The following EMP2 variants were observed in gnomAD, a reference collection of about 807,000 sequenced individuals.
The protein encoded by EMP2 is epithelial membrane protein 2.
Under a neutral mutation model 13.7 loss-of-function variants are expected in EMP2, and 19 were observed. That is an observed-to-expected ratio of 1.38 (90% CI 0.97 to 2.03). The LOEUF (loss-of-function observed/expected upper bound fraction) is 2.03. EMP2 is among the 30% of genes most tolerant of loss of function. The probability of loss-of-function intolerance (pLI) is 0.00; values close to 1 mark genes in which losing one functional copy is unlikely to be tolerated. For missense variants in EMP2, 253 were observed against 220.7 expected (o/e 1.15, Z -0.93); for synonymous variants, 97 against 84.7 (o/e 1.15, Z -0.80).
intron 4 of EMP2, among the ~76,000 whole-genome samples, chr16:10,536,901 C>G (rs969127925): frequency 8.5e-5 from 13 of 152,100 alleles, no homozygotes; most frequent in Non-Finnish European, 1.5e-5. Context: ...TGCACCTGAC[C>G]GGGACTTTCA....
rs372302585 is a variant in EMP2, at chr16:10,567,920, C to T, written c.-61+12629G>A. Among the ~76,000 whole-genome samples the T allele has an allele frequency of 7.2e-5, 11 of 152,278 alleles. No individual in the cohort carries two copies. The East Asian group carries it at 7.7e-4, about 11-fold the overall frequency. ...AATCCCCATTTTATAGATGAGAAAA[C>T]GGAGGGGTAGCGAGGTTAGGTAGCT... On this transcript the variant is annotated intron_variant, in intron 1 of 4. Transcript: ENST00000359543.
chr16:10,560,536 T>G (rs2050863780), intron 1 of EMP2, among the ~76,000 whole-genome samples: 1 of 152,214 alleles, frequency 6.6e-6, no homozygotes. Context: ...ATGAAGCAGT[T>G]ATTCAGCCAG....
intron 1 of EMP2, among the ~76,000 whole-genome samples, chr16:10,564,800 G>A (rs1193995396): frequency 6.6e-6 from 1 of 152,068 alleles, no homozygotes; most frequent in Non-Finnish European, 1.5e-5. Flanking sequence ...ATGTGGACAA[G>A]TAGGAGACAT....
chr16:10,563,404 C>T (rs188066493), intron 1 of EMP2, among the ~76,000 whole-genome samples: 1 of 152,186 alleles, frequency 6.6e-6, no homozygotes, highest in African/African-American at 2.4e-5. Context: ...GTTGGCCAGG[C>T]TGTTCTCAAA....
intron 1 of EMP2, among the ~76,000 whole-genome samples, chr16:10,572,568 G>A (rs73505816): frequency 6.6e-5 from 10 of 152,230 alleles, no homozygotes; most frequent in South Asian, 2.1e-4. Context: ...CATAGTAAGC[G>A]GCCAATAAAT....
intron 1 of EMP2, among the ~76,000 whole-genome samples, chr16:10,556,614 G>A (rs978405812): frequency 6.6e-6 from 1 of 152,206 alleles, no homozygotes; most frequent in South Asian, 2.1e-4. Flanking sequence ...GCCCACAGGG[G>A]TCATGCCACA....
chr16:10,573,225 T>A (rs1470398576), intron 1 of EMP2, among the ~76,000 whole-genome samples: 1 of 152,004 alleles, frequency 6.6e-6, no homozygotes, highest in Non-Finnish European at 1.5e-5. Flanking sequence ...AATTTTGCTA[T>A]TTTTTTGTAG....
At chr16:10,553,215 C>A (rs1251982906) in intron 1 of EMP2, among the ~76,000 whole-genome samples, 2 of 152,212 alleles carry the variant, frequency 1.3e-5, no homozygotes, top group African/African-American at 4.8e-5. Flanking sequence ...CTCCCTTCTG[C>A]GCCACTATTC....
chr16:10,568,784 T>TC (rs200038306), intron 1 of EMP2, among the ~76,000 whole-genome samples: 8,857 of 137,720 alleles, frequency 0.064, 274 homozygotes, highest in South Asian at 0.17. Context: ...GATTTTCTTT[T>TC]TTTTTTTTTT....
intron 1 of EMP2, among the ~76,000 whole-genome samples, chr16:10,577,318 C>T (rs1472102167): frequency 6.6e-6 from 1 of 152,170 alleles, no homozygotes; most frequent in African/African-American, 2.4e-5. Flanking sequence ...AGGACAGGTG[C>T]CCTCATCACC....
intron 1 of EMP2, among the ~76,000 whole-genome samples, chr16:10,557,730 T>C (rs1270565895): frequency 6.6e-6 from 1 of 152,118 alleles, no homozygotes; most frequent in Non-Finnish European, 1.5e-5. Flanking sequence ...AAGGCCTGAA[T>C]ACTCCCCATT....
At chr16:10,542,739 G>A (rs565796826) in intron 3 of EMP2, among the ~76,000 whole-genome samples, 1 of 152,174 alleles carries the variant, frequency 6.6e-6, no homozygotes, top group Non-Finnish European at 1.5e-5. Flanking sequence ...GAAGAGGTGG[G>A]CACAGCAAAG....
intron 4 of EMP2, among the ~76,000 whole-genome samples, chr16:10,533,558 T>C (rs895270960): frequency 1.3e-5 from 2 of 152,204 alleles, no homozygotes; most frequent in Admixed American, 6.5e-5. Flanking sequence ...GGCCAGACAG[T>C]AAGCAGTTTA....
chr16:10,553,440 T>TGGTGGAGTGCATTTATTCAGGCCCC (rs1386238826), intron 1 of EMP2, among the ~76,000 whole-genome samples: 4 of 152,124 alleles, frequency 2.6e-5, no homozygotes, highest in Non-Finnish European at 5.9e-5. Context: ...CTTTCTGGAT[T>TGGTGGAGTGCATTTATTCAGGCCCC]GGTGGAGTGC....
intron 3 of EMP2, among the ~76,000 whole-genome samples, chr16:10,538,483 A>T (rs1596369068): frequency 6.6e-6 from 1 of 152,300 alleles, no homozygotes; most frequent in Non-Finnish European, 1.5e-5. Context: ...AGGGATTCCC[A>T]TGGACTCAGG....
rs113980995 is a variant in EMP2 at position 10,556,877 on chromosome 16, TG to T, written c.-60-9201del. ...TCTTTCCTCTCACATGCTTAGGGCC[TG>T]GTGAAAACCATGCAGCAACCTAATT... On this transcript the variant is annotated intron_variant, in intron 1 of 4. Transcript: ENST00000359543. Among the ~76,000 whole-genome samples, 448 of 152,314 alleles carry T rather than the reference TG, an allele frequency of 2.9e-3. 3 individuals carry two copies. The highest frequency in any genetic ancestry group is 0.01 in the African/African-American group (422 of 41,556).
intron 3 of EMP2, among the ~76,000 whole-genome samples, chr16:10,541,407 G>A (rs563872978): frequency 1.3e-5 from 2 of 151,388 alleles, no homozygotes; most frequent in African/African-American, 4.9e-5. Flanking sequence ...GTTTTTAGGG[G>A]TGTGTGTGTG....
intron 1 of EMP2, among the ~76,000 whole-genome samples, chr16:10,555,679 C>G (rs2050822428): frequency 6.6e-6 from 1 of 152,082 alleles, no homozygotes; most frequent in South Asian, 2.1e-4. Flanking sequence ...CCTCTGCCTC[C>G]TGAGTCCAGG....
At chr16:10,569,600 A>G (rs1279366576) in intron 1 of EMP2, among the ~76,000 whole-genome samples, 2 of 152,182 alleles carry the variant, frequency 1.3e-5, no homozygotes, top group African/African-American at 4.8e-5. Context: ...GTTTACAGGC[A>G]TGAGCCACCA....
Sources: gnomAD v4.1 joint callset for allele counts (sites outside exome capture counted in the v4.1 genomes callset) on GRCh38, gnomAD v4.1.1 for gene constraint, MANE v1.5 for transcripts, NCBI Gene and HGNC (gene_info 2026-07-23, HGNC 2026-07-21) for gene names.